Variants in FER observed in about 807,000 individuals in gnomAD.
The protein encoded by FER is FER tyrosine kinase, also known as tyrosine-protein kinase Fer.
A neutral mutation model predicts 111.0 loss-of-function variants in FER; 63 were observed. That is an observed-to-expected ratio of 0.57 (90% CI 0.46 to 0.70). The LOEUF (loss-of-function observed/expected upper bound fraction) is 0.70, where lower values mean the gene tolerates loss of function less well. Ranked by LOEUF, FER falls within the 30% of genes least tolerant of loss-of-function variation. FER has a pLI of 0.00. For synonymous variants in FER, 327 were observed against 313.9 expected (o/e 1.04, Z -0.44); for missense variants, 914 against 954.0 (o/e 0.96, Z 0.55).
chr5:109,141,115 G>A lies in FER; in HGVS notation c.2049-39632G>A, dbSNP rs987089755. On this transcript the variant is annotated intron_variant, in intron 17 of 19. Transcript: ENST00000281092. The stretch of plus-strand genomic sequence containing the variant: ...AGCACCTTCAGAGGGCGTACAGGTG[G>A]CCCCTCTTACCTTGTATACCTAATG... 2.6e-5 allele frequency among the ~76,000 whole-genome samples: 4 copies of A among 152,092 alleles called. No homozygotes were observed. The East Asian group carries it at 5.8e-4, about 22-fold the overall frequency.
intron 2 of FER, among the ~76,000 whole-genome samples, chr5:108,774,959 T>A (rs1353922792): frequency 6.6e-6 from 1 of 152,212 alleles, no homozygotes; most frequent in Non-Finnish European, 1.5e-5. Context: ...CATCATGAAG[T>A]CTTTGCTCAT....
At chr5:108,959,433 G>A in intron 13 of FER, 86 bp downstream of exon 13, 3 of 1,367,394 alleles carry the variant, frequency 2.2e-6, no homozygotes, top group Non-Finnish European at 2.9e-6. Context: ...AAATTCTTAG[G>A]TTATATGCTA....
At chr5:108,750,619 G>A (rs1750374791) in intron 1 of FER, among the ~76,000 whole-genome samples, 1 of 152,220 alleles carries the variant, frequency 6.6e-6, no homozygotes, top group Non-Finnish European at 1.5e-5. Flanking sequence ...CTTCTGCACT[G>A]CTTCAAAGGT....
At chr5:108,845,078 A>G (rs1218279083) in intron 5 of FER, among the ~76,000 whole-genome samples, 1 of 125,452 alleles carries the variant, frequency 8.0e-6, no homozygotes, top group Non-Finnish European at 1.7e-5. Context: ...ACACACACAC[A>G]CACACACACA....
At chr5:108,783,354 G>A (rs1243100937) in intron 2 of FER, among the ~76,000 whole-genome samples, 4 of 151,978 alleles carry the variant, frequency 2.6e-5, no homozygotes, top group Non-Finnish European at 5.9e-5. Flanking sequence ...TTTTACATTT[G>A]TTTTAAGAGA....
chr5:109,145,777 T>G (rs1322381034), intron 17 of FER, among the ~76,000 whole-genome samples: 1 of 152,144 alleles, frequency 6.6e-6, no homozygotes, highest in African/African-American at 2.4e-5. Flanking sequence ...ACTTTATTAT[T>G]GTCACATTGA....
rs1289214350 is a variant in FER, at chr5:109,122,606, A to G, written c.2048+22087A>G. 2.0e-5 allele frequency among the ~76,000 whole-genome samples: 3 copies of G among 151,944 alleles called. No homozygotes were observed. In the East Asian group the frequency reaches 5.8e-4, roughly 29 times the overall value. ...GTCCAATTGGTATATAGTGCCGATT[A>G]AGTTCAATGTGTCTTTGTTCATTTT... On this transcript the variant is annotated intron_variant, in intron 17 of 19. Transcript: ENST00000281092.
chr5:108,993,416 G>A (rs1190219070), intron 13 of FER, among the ~76,000 whole-genome samples: 1 of 152,162 alleles, frequency 6.6e-6, no homozygotes, highest in Non-Finnish European at 1.5e-5. Flanking sequence ...GCGCGCGCCT[G>A]CAATCGCAGG....
intron 10 of FER, among the ~76,000 whole-genome samples, chr5:108,913,170 CTT>C (rs1751789588): frequency 6.6e-6 from 1 of 152,124 alleles, no homozygotes; most frequent in East Asian, 1.9e-4. Flanking sequence ...TACTGCATCT[CTT>C]ATAATTATTT....
intron 16 of FER, among the ~76,000 whole-genome samples, chr5:109,055,851 CAAA>C (rs373320956): frequency 2.2e-5 from 2 of 92,498 alleles, no homozygotes; most frequent in African/African-American, 7.3e-5. Context: ...AACATTGTCT[CAAA>C]AAAAAAAAAA....
intron 13 of FER, among the ~76,000 whole-genome samples, chr5:108,972,218 G>A (rs1180416190): frequency 6.6e-6 from 1 of 151,830 alleles, no homozygotes; most frequent in Non-Finnish European, 1.5e-5. Context: ...CAGAATGGAG[G>A]GACAGATGAG....
At chr5:109,182,974 T>A (rs1758437452) in intron 18 of FER, among the ~76,000 whole-genome samples, 1 of 152,178 alleles carries the variant, frequency 6.6e-6, no homozygotes, top group Non-Finnish European at 1.5e-5. Context: ...CCAGAGTAGC[T>A]GGGACTGCAG....
intron 2 of FER, among the ~76,000 whole-genome samples, chr5:108,775,684 A>G (rs996362354): frequency 6.6e-6 from 1 of 152,168 alleles, no homozygotes; most frequent in African/African-American, 2.4e-5. Flanking sequence ...ACTTGCATGT[A>G]ACTTTTATAT....
chr5:109,176,802 C>T (rs780665639), intron 17 of FER, among the ~76,000 whole-genome samples: 1 of 152,084 alleles, frequency 6.6e-6, no homozygotes, highest in East Asian at 1.9e-4. Flanking sequence ...CGTATACTCG[C>T]AGTTGTCAAC....
chr5:109,024,938 G>A (rs1272794682), intron 13 of FER, among the ~76,000 whole-genome samples: 6 of 149,776 alleles, frequency 4.0e-5, no homozygotes, highest in Admixed American at 4.0e-4. Flanking sequence ...GTAGATATAC[G>A]GCCTTATTTC....
At chr5:109,056,827 T>G (rs1314402514) in intron 16 of FER, among the ~76,000 whole-genome samples, 1 of 152,228 alleles carries the variant, frequency 6.6e-6, no homozygotes, top group Non-Finnish European at 1.5e-5. Context: ...CATGTACCTT[T>G]AATATACACA....
At chr5:108,944,021 A>G (rs1184711208) in intron 10 of FER, among the ~76,000 whole-genome samples, 1 of 152,100 alleles carries the variant, frequency 6.6e-6, no homozygotes, top group Non-Finnish European at 1.5e-5. Context: ...GGCATGAACC[A>G]CCAAGCCTGG....
intron 13 of FER, among the ~76,000 whole-genome samples, chr5:108,973,181 A>G (rs1415341132): frequency 2.6e-5 from 4 of 152,182 alleles, no homozygotes; most frequent in Non-Finnish European, 5.9e-5. Context: ...TGAGAATGAT[A>G]TACAAGAACA....
intron 18 of FER, among the ~76,000 whole-genome samples, chr5:109,185,336 CATAA>C (rs1191897833): frequency 6.6e-6 from 1 of 152,122 alleles, no homozygotes; most frequent in Non-Finnish European, 1.5e-5. Flanking sequence ...TTAAAACACA[CATAA>C]ATATTTTTCG....
Sources: allele counts gnomAD v4.1 joint callset (sites outside exome capture counted in the v4.1 genomes callset), GRCh38; gene constraint gnomAD v4.1.1; transcripts MANE v1.5; gene names NCBI Gene and HGNC (gene_info 2026-07-23, HGNC 2026-07-21).